Variants in GRID2IP observed in about 807,000 individuals in gnomAD.
GRID2IP encodes the protein delphilin.
In GRID2IP, 78 loss-of-function variants were observed where a neutral mutation model predicts 114.3. The observed-to-expected ratio is 0.68, with a 90% CI of 0.57 to 0.82. The LOEUF is 0.82. Among genes scored for constraint, GRID2IP ranks in the 40% least tolerant of loss-of-function variants. The pLI, the probability that GRID2IP is intolerant of heterozygous loss-of-function variation, is 0.00. For synonymous variants in GRID2IP, 809 were observed against 724.0 expected (o/e 1.12, Z -1.89); for missense variants, 1,727 against 1,678.5 (o/e 1.03, Z -0.51).
At position 6,516,198 on chromosome 7, in the gene GRID2IP, A is replaced by G. The variant is rs1779296287; in HGVS notation, c.1269-1669T>C. Among the ~76,000 whole-genome samples, 1 of 151,928 alleles carries G rather than the reference A, an allele frequency of 6.6e-6. No homozygotes were observed. The highest frequency in any genetic ancestry group is 2.1e-4 in the South Asian group (1 of 4,832). The stretch of plus-strand genomic sequence containing the variant: ...GGAAGAGCTTAAAATTTCAAAAGCC[A>G]AAACTGTGGGCGGCAAGCCACCCAG... On this transcript the variant is annotated intron_variant, in intron 7 of 21. Coordinates refer to ENST00000457091, the MANE Select transcript of GRID2IP (RefSeq NM_001145118.2). The surrounding 1 kb of genome is among the most constrained non-coding windows in gnomAD (Gnocchi z 4.3).
At position 6,516,804 on chromosome 7, in the gene GRID2IP, G is replaced by T. The variant is rs934419440; in HGVS notation, c.1269-2275C>A. ...TAAAATGCATAGAAGAAATAATTAC[G>T]TAAGCTGTCCCCTCTTTCTCTCCGC... On this transcript the variant is annotated intron_variant, in intron 7 of 21. Transcript: ENST00000457091. This position sits in a 1 kb window ranked among gnomAD's most constrained non-coding sequence, Gnocchi z 4.3. Among the ~76,000 whole-genome samples the T allele has an allele frequency of 1.3e-5, 2 of 152,116 alleles. No individual in the cohort carries two copies. Among genetic ancestry groups the T allele is most frequent in the Non-Finnish European group, 2.9e-5 (2 of 68,006 alleles).
At chr7:6,517,928 A>T (rs1295958668) in intron 7 of GRID2IP, among the ~76,000 whole-genome samples, 2 of 144,496 alleles carry the variant, frequency 1.4e-5, no homozygotes, top group African/African-American at 5.6e-5. Flanking sequence ...ATAAATAAAT[A>T]AATAAAATAA....
At position 6,508,933 on chromosome 7, in the gene GRID2IP, C is replaced by G; in HGVS notation, c.2127+25G>C. On this transcript the variant is annotated intron_variant, in intron 12 of 21. Transcript: ENST00000457091. This position sits in a 1 kb window ranked among gnomAD's most constrained non-coding sequence, Gnocchi z 5.6. Reference sequence around the variant, plus strand: ...CGCCACACCTCGCCTCACCCGCCTCCCTCCACACCTGCTTGCGTGCCCACC... The same window carrying G: ...CGCCACACCTCGCCTCACCCGCCTCGCTCCACACCTGCTTGCGTGCCCACC... 6.5e-7 allele frequency: 1 copy of G among 1,537,192 alleles called. No individual in the cohort carries two copies. The highest frequency in any genetic ancestry group is 8.7e-7 in the Non-Finnish European group (1 of 1,143,830).
At chr7:6,510,742 CT>C (rs1167047751) in intron 9 of GRID2IP, 36 bp from the exon 10 acceptor site, 1 of 1,522,256 alleles carries the variant, frequency 6.6e-7, no homozygotes, top group Non-Finnish European at 8.9e-7. Context: ...TATCTGAGCT[CT>C]ACGGCTCAGG....
chr7:6,536,694 G>T lies in GRID2IP; in HGVS notation c.584+3024C>A, dbSNP rs907078328. On this transcript the variant is annotated intron_variant, in intron 2 of 21. Coordinates refer to ENST00000457091, the MANE Select transcript of GRID2IP (RefSeq NM_001145118.2). This position sits in a 1 kb window ranked among gnomAD's most constrained non-coding sequence, Gnocchi z 5.3. ...CTGGTGGGGAGGGGCGGGACGGGGGGCTGCCTGTCAATCAGCTCCCCAGGA... is the reference window on the plus strand; with the variant it reads ...CTGGTGGGGAGGGGCGGGACGGGGGTCTGCCTGTCAATCAGCTCCCCAGGA... 9.0e-6 allele frequency: 6 copies of T among 663,512 alleles called. No individual in the cohort carries two copies. In the East Asian group the frequency reaches 1.1e-4, roughly 13 times the overall value. The allele number at this position is 663,512 out of a possible 1,614,324, so 41.1% of individuals were successfully genotyped here. A position where few individuals can be genotyped will look rare whatever the true frequency, so the allele number is the denominator to read the frequency against.
At chr7:6,512,015 C>G (rs1779178848) in intron 8 of GRID2IP, among the ~76,000 whole-genome samples, 1 of 152,020 alleles carries the variant, frequency 6.6e-6, no homozygotes, top group Non-Finnish European at 1.5e-5. Flanking sequence ...TCAAATGATT[C>G]TCGAGCCTCA....
intron 2 of GRID2IP, among the ~76,000 whole-genome samples, chr7:6,535,848 C>T (rs1383605454): frequency 6.6e-6 from 1 of 152,156 alleles, no homozygotes; most frequent in African/African-American, 2.4e-5. Flanking sequence ...TGCCCTCACC[C>T]TGTATGGCTA....
At position 6,520,702 on chromosome 7, in the gene GRID2IP, C is replaced by CAGG; in HGVS notation, c.1143_1144insCCT (p.Val381_Ala382insPro). ...CGGATGCTGGACGGCAGGATCTCCG[C>CAGG]CACCCACTGCAGGGAGGTGAGCGCC... On this transcript the variant is annotated inframe_insertion, in exon 7 of 22. Transcript: ENST00000457091. This position sits in a 1 kb window ranked among gnomAD's most constrained non-coding sequence, Gnocchi z 4.6. 6.4e-7 allele frequency: 1 copy of CAGG among 1,551,676 alleles called. No homozygotes were observed. Among genetic ancestry groups the CAGG allele is most frequent in the Non-Finnish European group, 8.7e-7 (1 of 1,146,988 alleles).
intron 4 of GRID2IP, among the ~76,000 whole-genome samples, chr7:6,524,005 G>C (rs555204637): frequency 6.6e-6 from 1 of 152,328 alleles, no homozygotes; most frequent in Admixed American, 6.5e-5. Context: ...ACAATATGGT[G>C]TCAACAAGTT....
chr7:6,506,887 T>TG lies in GRID2IP; in HGVS notation c.2545-981dup, dbSNP rs1249292091. On this transcript the variant is annotated intron_variant, in intron 13 of 21. Coordinates refer to ENST00000457091, the MANE Select transcript of GRID2IP (RefSeq NM_001145118.2). The surrounding 1 kb of genome is among the most constrained non-coding windows in gnomAD (Gnocchi z 5.2). ...TTGTAGAGACAAGATCTCACTATGT[T>TG]GCCCAGACTTGTCTTGAACTCTTAG... Among the ~76,000 whole-genome samples, 3 of 152,036 alleles carry TG rather than the reference T, an allele frequency of 2.0e-5. No individual in the cohort carries two copies. The highest frequency in any genetic ancestry group is 7.3e-5 in the African/African-American group (3 of 41,372).
Position 6,541,361 on chromosome 7 carries a change from A to G in GRID2IP, c.430-1489T>C, listed in dbSNP as rs991679997. On this transcript the variant is annotated intron_variant, in intron 1 of 21. Coordinates refer to ENST00000457091, the MANE Select transcript of GRID2IP (RefSeq NM_001145118.2). ...ACCACACATTCAGTAATTGCTAGTT[A>G]CTATTATTATAATACTACACTCCCT... Among the ~76,000 whole-genome samples the G allele has an allele frequency of 5.3e-5, 8 of 152,326 alleles. No individual in the cohort carries two copies. In the South Asian group the frequency reaches 1.7e-3, roughly 32 times the overall value.
chr7:6,530,563 C>G (rs1453516624), intron 2 of GRID2IP, among the ~76,000 whole-genome samples: 2 of 151,522 alleles, frequency 1.3e-5, no homozygotes, highest in East Asian at 1.9e-4. Flanking sequence ...CGTGAGCCAC[C>G]GCGCCTGGCC....
In GRID2IP at chr7:6,511,012, T is replaced by C. The variant is rs1212026874; in HGVS notation, c.1451A>G (p.Glu484Gly). Reference sequence around the variant, plus strand: ...CTGGGGCTCAGGCGTGGGCTCGGACTCCAGGTCCAGCTCAGGCTCCGGCTC... The same window carrying C: ...CTGGGGCTCAGGCGTGGGCTCGGACCCCAGGTCCAGCTCAGGCTCCGGCTC... Reference protein sequence around the residue: ...TAEPEPELDLESEPTPEPQPR... With the variant: ...TAEPEPELDLGSEPTPEPQPR... The change falls in exon 9 of 22, where the codon GAG becomes GGG. Residue 484 changes from glutamate to glycine, a missense_variant. Coordinates refer to ENST00000457091, the MANE Select transcript of GRID2IP (RefSeq NM_001145118.2). 1 of 1,499,046 alleles carries C rather than the reference T, an allele frequency of 6.7e-7. No individual in the cohort carries two copies. Among genetic ancestry groups the C allele is most frequent in the East Asian group, 2.7e-5 (1 of 37,086 alleles). 92.9% of individuals were successfully genotyped at this position (1,499,046 alleles called of 1,614,324 possible).
intron 13 of GRID2IP, 73 bp from the exon 14 acceptor site, chr7:6,505,980 C>A: frequency 1.9e-6 from 2 of 1,057,570 alleles, no homozygotes; most frequent in Non-Finnish European, 1.4e-6. Context: ...TTCCCACCCT[C>A]TGAGGGCTGC....
At chr7:6,503,724 G>A in intron 15 of GRID2IP, 37 bp from the exon 16 acceptor site, 8 of 1,407,336 alleles carry the variant, frequency 5.7e-6, no homozygotes, top group Non-Finnish European at 6.5e-6. Context: ...GGGCGGGGCC[G>A]GAGCGGGGCC....
intron 4 of GRID2IP, among the ~76,000 whole-genome samples, chr7:6,522,483 G>A (rs942077326): frequency 4.6e-5 from 7 of 151,798 alleles, no homozygotes; most frequent in African/African-American, 1.7e-4. Context: ...TTTGCTTCAG[G>A]AGAATTATTT....
intron 21 of GRID2IP, 84 bp downstream of exon 21, chr7:6,497,980 C>T: frequency 1.4e-6 from 2 of 1,443,336 alleles, no homozygotes; most frequent in East Asian, 2.5e-5. Context: ...CCTTTCCCAG[C>T]CCTGGCTTCA....
rs910564544 is a variant in GRID2IP at position 6,534,538 on chromosome 7, A to G, written c.584+5180T>C. On this transcript the variant is annotated intron_variant, in intron 2 of 21. Coordinates refer to ENST00000457091, the MANE Select transcript of GRID2IP (RefSeq NM_001145118.2). The surrounding 1 kb of genome is among the most constrained non-coding windows in gnomAD (Gnocchi z 4.5). ...TGACCACGGACCCATCTCACCCTTT[A>G]CAGCAGCAGCGCTGTCCAAGGGAAC... Among the ~76,000 whole-genome samples, 2 of 152,088 alleles carry G rather than the reference A, an allele frequency of 1.3e-5. No homozygotes were observed. The highest frequency in any genetic ancestry group is 4.8e-5 in the African/African-American group (2 of 41,404).
chr7:6,500,706 C>T (rs945675966), intron 20 of GRID2IP, among the ~76,000 whole-genome samples: 4 of 152,226 alleles, frequency 2.6e-5, no homozygotes, highest in Non-Finnish European at 4.4e-5. Flanking sequence ...GCACAGCCCC[C>T]AGAGCTCTCC....
Sources: allele counts gnomAD v4.1 joint callset (sites outside exome capture counted in the v4.1 genomes callset), GRCh38; gene constraint gnomAD v4.1.1; non-coding constraint Gnocchi (gnomAD v3.1); transcripts MANE v1.5; gene names NCBI Gene and HGNC (gene_info 2026-07-23, HGNC 2026-07-21).